The following CCDC6 variants were observed in gnomAD, a reference collection of about 807,000 sequenced individuals.
The protein encoded by CCDC6 is coiled-coil domain containing 6.
CCDC6 carries 20 observed loss-of-function variants against 56.6 expected under a neutral mutation model. The ratio of observed to expected loss-of-function variants is 0.35; its 90% CI spans 0.25 to 0.51. CCDC6 has a LOEUF of 0.51. CCDC6 is among the 20% of genes least tolerant of loss of function. The probability of loss-of-function intolerance (pLI) is 0.95; values close to 1 mark genes in which losing one functional copy is unlikely to be tolerated. For synonymous variants in CCDC6, 241 were observed against 234.4 expected (o/e 1.03, Z -0.26); for missense variants, 367 against 601.1 (o/e 0.61, Z 4.07).
At chr10:59,863,610 A>G (rs111644397) in intron 1 of CCDC6, among the ~76,000 whole-genome samples, 1,819 of 152,344 alleles carry the variant, frequency 0.012, 13 homozygotes, top group Middle Eastern at 0.017. Context: ...ATTATAGTTC[A>G]ACTCTGTAAA....
intron 1 of CCDC6, among the ~76,000 whole-genome samples, chr10:59,887,874 G>A (rs774203592): frequency 1.3e-5 from 2 of 152,060 alleles, no homozygotes; most frequent in Non-Finnish European, 2.9e-5. Context: ...GCCTGGATGT[G>A]AGGCCACCTC....
intron 2 of CCDC6, 27 bp from the exon 3 acceptor site, chr10:59,832,680 G>A (rs761257562): frequency 6.8e-6 from 11 of 1,607,352 alleles, no homozygotes; most frequent in South Asian, 1.1e-5. Flanking sequence ...ACCGAGATGT[G>A]GAAATCAGGC....
chr10:59,901,190 T>C (rs1399834337), intron 1 of CCDC6, among the ~76,000 whole-genome samples: 1 of 152,238 alleles, frequency 6.6e-6, no homozygotes, highest in Non-Finnish European at 1.5e-5. Context: ...AAGACTTGTG[T>C]ACAGTTAGAC....
intron 2 of CCDC6, among the ~76,000 whole-genome samples, chr10:59,841,888 C>A (rs148550879): frequency 6.6e-6 from 1 of 151,672 alleles, no homozygotes; most frequent in Non-Finnish European, 1.5e-5. Context: ...AGGACGGTCT[C>A]GATCTCCTGA....
At chr10:59,799,540 C>T (rs188161660) in intron 7 of CCDC6, among the ~76,000 whole-genome samples, 2 of 152,320 alleles carry the variant, frequency 1.3e-5, no homozygotes, top group Admixed American at 1.3e-4. Flanking sequence ...GTTCTGCTTG[C>T]CTTATCCCAA....
intron 2 of CCDC6, among the ~76,000 whole-genome samples, chr10:59,848,946 A>G (rs1439891367): frequency 6.6e-6 from 1 of 152,158 alleles, no homozygotes. Context: ...AACTCCTGGC[A>G]TCAAAGTGAT....
chr10:59,872,787 T>TGG (rs1046215443), intron 1 of CCDC6, among the ~76,000 whole-genome samples: 6 of 69,510 alleles, frequency 8.6e-5, no homozygotes, highest in African/African-American at 1.9e-4. Flanking sequence ...GATGGGGGGG[T>TGG]GGGGGAAGGT....
intron 1 of CCDC6, among the ~76,000 whole-genome samples, chr10:59,883,206 T>C (rs983934513): frequency 2.0e-5 from 3 of 152,168 alleles, no homozygotes; most frequent in Non-Finnish European, 4.4e-5. Context: ...TTAAATACCA[T>C]GTGTCTTTGC....
chr10:59,885,119 AG>A (rs2071372872), intron 1 of CCDC6, among the ~76,000 whole-genome samples: 1 of 152,068 alleles, frequency 6.6e-6, no homozygotes, highest in Non-Finnish European at 1.5e-5. Flanking sequence ...AGAAAAGAAA[AG>A]GAGAAAAGGA....
intron 5 of CCDC6, among the ~76,000 whole-genome samples, chr10:59,811,854 G>A (rs2070675195): frequency 6.6e-6 from 1 of 151,944 alleles, no homozygotes; most frequent in South Asian, 2.1e-4. Flanking sequence ...CACAATATAA[G>A]TAAACTAGCA....
At chr10:59,904,591 A>G (rs993311031) in intron 1 of CCDC6, among the ~76,000 whole-genome samples, 1 of 152,248 alleles carries the variant, frequency 6.6e-6, no homozygotes, top group Non-Finnish European at 1.5e-5. Flanking sequence ...CATCTCTGTC[A>G]GCGAAGAAAG....
intron 6 of CCDC6, among the ~76,000 whole-genome samples, chr10:59,805,745 C>T (rs2070616391): frequency 6.6e-6 from 1 of 152,160 alleles, no homozygotes; most frequent in South Asian, 2.1e-4. Context: ...GAGGCATACA[C>T]ATAGGTATTT....
At chr10:59,902,212 G>A (rs972716965) in intron 1 of CCDC6, among the ~76,000 whole-genome samples, 2 of 152,060 alleles carry the variant, frequency 1.3e-5, no homozygotes, top group South Asian at 2.1e-4. Flanking sequence ...TTCATTAAAT[G>A]GGTAGTTTGA....
intron 1 of CCDC6, among the ~76,000 whole-genome samples, chr10:59,893,202 G>T (rs2071436906): frequency 6.6e-6 from 1 of 152,136 alleles, no homozygotes; most frequent in Admixed American, 6.5e-5. Context: ...TTTTTGCGGG[G>T]GGAGGGATAC....
intron 1 of CCDC6, among the ~76,000 whole-genome samples, chr10:59,890,919 C>T (rs2071417924): frequency 6.6e-6 from 1 of 151,950 alleles, no homozygotes; most frequent in Admixed American, 6.6e-5. Context: ...GTGTGGTGTT[C>T]CCTACCCTGT....
intron 2 of CCDC6, among the ~76,000 whole-genome samples, chr10:59,835,599 A>G (rs768505944): frequency 1.5e-4 from 23 of 152,192 alleles, no homozygotes; most frequent in Non-Finnish European, 3.2e-4. Flanking sequence ...CTAAAGATTC[A>G]CAGTTTTTAT....
intron 3 of CCDC6, among the ~76,000 whole-genome samples, chr10:59,827,557 C>T (rs1183799694): frequency 1.3e-5 from 2 of 152,056 alleles, no homozygotes; most frequent in Non-Finnish European, 2.9e-5. Flanking sequence ...ATGCATGAGG[C>T]CACACTGTTT....
chr10:59,892,937 G>C (rs1589064231), intron 1 of CCDC6, among the ~76,000 whole-genome samples: 1 of 152,178 alleles, frequency 6.6e-6, no homozygotes, highest in African/African-American at 2.4e-5. Flanking sequence ...CTGAGGGAAG[G>C]GGGTGGGGCC....
At chr10:59,868,802 G>T (rs183167729) in intron 1 of CCDC6, among the ~76,000 whole-genome samples, 7 of 152,290 alleles carry the variant, frequency 4.6e-5, no homozygotes, top group Admixed American at 2.6e-4. Context: ...CCTGGTAGAT[G>T]ACACTTCACA....
Sources: allele counts gnomAD v4.1 joint callset (sites outside exome capture counted in the v4.1 genomes callset), GRCh38; gene constraint gnomAD v4.1.1; transcripts MANE v1.5; gene names NCBI Gene and HGNC (gene_info 2026-07-23, HGNC 2026-07-21).